Variants in MRTFB observed in about 807,000 individuals in gnomAD.
MRTFB encodes myocardin-related transcription factor B.
MRTFB carries 29 observed loss-of-function variants against 104.2 expected under a neutral mutation model. The observed-to-expected ratio is 0.28, with a 90% CI of 0.21 to 0.38. The LOEUF is 0.38. Among genes scored for constraint, MRTFB ranks in the 10% least tolerant of loss-of-function variants. The pLI, the probability that MRTFB is intolerant of heterozygous loss-of-function variation, is 1.00. For missense variants in MRTFB, 1,270 were observed against 1,341.6 expected (o/e 0.95, Z 0.83); for synonymous variants, 535 against 519.5 (o/e 1.03, Z -0.41).
At chr16:14,221,725 C>A (rs1038947901) in intron 8 of MRTFB, among the ~76,000 whole-genome samples, 4 of 151,142 alleles carry the variant, frequency 2.6e-5, no homozygotes, top group Non-Finnish European at 5.9e-5. Context: ...GTTGACCAGT[C>A]CTCGAATTGG....
intron 3 of MRTFB, chr16:14,152,346 C>G (rs2038656952): frequency 6.6e-6 from 1 of 151,418 alleles, no homozygotes; most frequent in African/African-American, 2.4e-5. Context: ...ATATGATATA[C>G]ATATATCATA....
At chr16:14,162,372 T>A (rs1292958713) in intron 3 of MRTFB, among the ~76,000 whole-genome samples, 1 of 152,068 alleles carries the variant, frequency 6.6e-6, no homozygotes, top group African/African-American at 2.4e-5. Flanking sequence ...TTTTTTTAAT[T>A]ATATGACATT....
rs139047199 is a variant in MRTFB at position 14,099,156 on chromosome 16, A to G, written c.-64+19802A>G. Among the ~76,000 whole-genome samples the G allele has an allele frequency of 1.9e-3, 286 of 152,298 alleles. 2 individuals are homozygous for G. The highest frequency in any genetic ancestry group is 6.5e-3 in the African/African-American group (272 of 41,562). On this transcript the variant is annotated intron_variant, in intron 2 of 16. Coordinates refer to ENST00000571589, the MANE Select transcript of MRTFB (RefSeq NM_001308142.2). ...ACTGAGATATTGATAGTCAGTTTGG[A>G]GAGAATTGACTTCTTAACAACATTA...
chr16:14,251,769 AG>A (rs1423324726), intron 13 of MRTFB, 92 bp from the exon 14 acceptor site: 1 of 1,379,650 alleles, frequency 7.2e-7, no homozygotes, highest in Non-Finnish European at 1.0e-6. Context: ...TTACAGAAAA[AG>A]TTTGCTGACC....
At chr16:14,075,537 G>A (rs1352353905) in intron 1 of MRTFB, among the ~76,000 whole-genome samples, 4 of 152,200 alleles carry the variant, frequency 2.6e-5, no homozygotes, top group Non-Finnish European at 5.9e-5. Flanking sequence ...TCCTCCTCCA[G>A]GGTCTCTCTC....
chr16:14,077,149 CTCT>C (rs2034112654), intron 1 of MRTFB, among the ~76,000 whole-genome samples: 1 of 152,124 alleles, frequency 6.6e-6, no homozygotes, highest in Non-Finnish European at 1.5e-5. Flanking sequence ...TAACATTAAT[CTCT>C]TATGGTATCT....
intron 2 of MRTFB, among the ~76,000 whole-genome samples, chr16:14,106,761 A>G (rs1006743787): frequency 4.6e-5 from 7 of 152,158 alleles, no homozygotes; most frequent in African/African-American, 1.4e-4. Flanking sequence ...TGTTTGTAGT[A>G]CCCTATTGAA....
chr16:14,196,031 A>G (rs1252395984), intron 3 of MRTFB, among the ~76,000 whole-genome samples: 1 of 152,238 alleles, frequency 6.6e-6, no homozygotes, highest in African/African-American at 2.4e-5. Context: ...TATCTCTGCC[A>G]TTCTGTACCA....
At chr16:14,184,326 G>A (rs563010724) in intron 3 of MRTFB, among the ~76,000 whole-genome samples, 69 of 151,456 alleles carry the variant, frequency 4.6e-4, no homozygotes, top group African/African-American at 1.5e-3. Flanking sequence ...GGGTTCAAGC[G>A]ATTGTCTTGC....
intron 10 of MRTFB, chr16:14,241,327 G>C (rs1342917883): frequency 1.3e-5 from 2 of 152,470 alleles, no homozygotes; most frequent in African/African-American, 4.8e-5. Flanking sequence ...ACCCAACTGT[G>C]GGGGACGGAA....
At chr16:14,055,631 C>T in the MRTFB span, among the ~76,000 whole-genome samples, 16 of 152,022 alleles carry the variant, frequency 1.1e-4, no homozygotes, top group South Asian at 2.1e-4. Flanking sequence ...CATGATTAGA[C>T]GGAGGTTATG....
chr16:14,047,415 G>A, the MRTFB span, among the ~76,000 whole-genome samples: 12 of 152,300 alleles, frequency 7.9e-5, no homozygotes, highest in South Asian at 6.2e-4. Flanking sequence ...CAATTTCTGC[G>A]TCTCTCCTGG....
the MRTFB span, chr16:14,013,491 A>C: frequency 6.6e-6 from 1 of 152,206 alleles, no homozygotes; most frequent in Non-Finnish European, 1.5e-5. Context: ...AAACATTGTA[A>C]ATACTGTGTA....
In MRTFB at chr16:14,247,198, C is replaced by T; in HGVS notation, c.1938C>T (p.Asp646=). 6.2e-7 allele frequency: 1 copy of T among 1,614,180 alleles called. No individual in the cohort carries two copies. Among genetic ancestry groups the T allele is most frequent in the South Asian group, 1.1e-5 (1 of 91,088 alleles). The change falls in exon 12 of 17, where the codon GAC becomes GAT. Residue 646 remains aspartate (D), a synonymous_variant. Transcript: ENST00000571589. ...TCAAAGATGAGGCCTCACTCCCTGA[C>T]TGCTCCAGCTCCAGGCAGCCCATCC... ...SSIKDEASLP[D]CSSSRQPIPV...
chr16:14,251,659 G>A (rs1236422262), intron 13 of MRTFB, among the ~76,000 whole-genome samples: 3 of 152,206 alleles, frequency 2.0e-5, no homozygotes, highest in East Asian at 1.9e-4. Flanking sequence ...ATTTATCCAT[G>A]TACTGTCTGT....
At chr16:14,088,231 G>A (rs2141940598) in intron 2 of MRTFB, among the ~76,000 whole-genome samples, 1 of 152,274 alleles carries the variant, frequency 6.6e-6, no homozygotes, top group East Asian at 1.9e-4. Context: ...TGGTGGGAAT[G>A]TACATTGAGC....
At chr16:14,173,737 T>A (rs1362877094) in intron 3 of MRTFB, among the ~76,000 whole-genome samples, 1 of 152,146 alleles carries the variant, frequency 6.6e-6, no homozygotes, top group African/African-American at 2.4e-5. Context: ...ATCACATGGG[T>A]CACTGAGGCT....
intron 14 of MRTFB, 110 bp from the exon 15 acceptor site, chr16:14,252,255 T>C: frequency 6.7e-7 from 1 of 1,487,260 alleles, no homozygotes; most frequent in Non-Finnish European, 9.0e-7. Context: ...AACCTGCTCA[T>C]GAATTCCCTG....
chr16:14,074,400 T>G (rs1280217103), intron 1 of MRTFB, among the ~76,000 whole-genome samples: 4 of 152,150 alleles, frequency 2.6e-5, no homozygotes, highest in Non-Finnish European at 1.5e-5. Flanking sequence ...TTTCTAGGCA[T>G]AGGGGATAGA....
Sources: allele counts gnomAD v4.1 joint callset (sites outside exome capture counted in the v4.1 genomes callset), GRCh38; gene constraint gnomAD v4.1.1; transcripts MANE v1.5; gene names NCBI Gene and HGNC (gene_info 2026-07-23, HGNC 2026-07-21).